KDM5B: variants seen among roughly 807,000 people sequenced by gnomAD.
The protein encoded by KDM5B is lysine-specific demethylase 5B.
A neutral mutation model predicts 193.4 loss-of-function variants in KDM5B; 144 were observed. The ratio of observed to expected loss-of-function variants is 0.74; its 90% CI spans 0.65 to 0.86. KDM5B has a LOEUF of 0.86. Ranked by LOEUF, KDM5B falls within the 40% of genes least tolerant of loss-of-function variation. The pLI is 0.00. For synonymous variants in KDM5B, 668 were observed against 682.6 expected (o/e 0.98, Z 0.33); for missense variants, 1,833 against 1,886.9 (o/e 0.97, Z 0.53).
chr1:202,786,952 T>C (rs531194661), intron 1 of KDM5B, among the ~76,000 whole-genome samples: 10 of 152,278 alleles, frequency 6.6e-5, no homozygotes, highest in African/African-American at 2.4e-4. Context: ...CTACTAAATA[T>C]ACAAAAAGCT....
chr1:202,728,166 G>GCTCT lies in KDM5B; in HGVS notation c.*866_*869dup, dbSNP rs1345955257. On this transcript the variant is annotated 3_prime_UTR_variant, in exon 27 of 27. Coordinates refer to ENST00000367265, the MANE Select transcript of KDM5B (RefSeq NM_006618.5). Reference sequence around the variant, plus strand: ...ACAGTAGAGGGGCAGAAGAAGCTGTGCTCTAATGGCTCTAAATAATCAGCA... The same window carrying GCTCT: ...ACAGTAGAGGGGCAGAAGAAGCTGTGCTCTCTCTAATGGCTCTAAATAATCAGCA... The GCTCT allele has an allele frequency of 6.6e-6, 1 of 152,248 alleles. No individual in the cohort carries two copies. Among genetic ancestry groups the GCTCT allele is most frequent in the Non-Finnish European group, 1.5e-5 (1 of 68,038 alleles). The allele number at this position is 152,248 out of a possible 1,614,324, so 9.4% of individuals were successfully genotyped here.
rs1026617816 is a variant in KDM5B at position 202,730,941 on chromosome 1, G to A, written c.4144C>T (p.Arg1382Ter). Residue 1382 changes from arginine (R) to a stop codon, truncating the protein, a stop_gained, in exon 25 of 27, where the codon CGA becomes TGA. Transcript: ENST00000367265. LOFTEE classifies it high-confidence loss of function. ...AKPSPAQQTD[R>*]SSPVRPSSEK... ...CTGCTGGGTCTCACTGGTGAGCTTC[G>A]GTCAGTCTGCTGAGCAGGGCTTGGC... 13 of 1,611,518 alleles carry A rather than the reference G, an allele frequency of 8.1e-6. No individual in the cohort carries two copies. The highest frequency in any genetic ancestry group is 2.7e-5 in the African/African-American group (2 of 74,846).
intron 1 of KDM5B, chr1:202,796,998 GATC>G (rs1657875510): frequency 6.6e-6 from 1 of 152,256 alleles, no homozygotes; most frequent in Admixed American, 6.5e-5. Context: ...TCCTCCCTTG[GATC>G]ATCAAGTCTA....
chr1:202,776,826 A>G (rs1038598473), intron 2 of KDM5B, among the ~76,000 whole-genome samples, 191 bp downstream of exon 2: 2 of 152,174 alleles, frequency 1.3e-5, no homozygotes, highest in African/African-American at 4.8e-5. Flanking sequence ...TACAAGTGTG[A>G]GCCACCATGC....
Position 202,767,076 on chromosome 1 carries a change from G to A in KDM5B, c.577-16C>T, listed in dbSNP as rs1213523719. The A allele has an allele frequency of 1.9e-6, 3 of 1,607,648 alleles. No individual in the cohort carries two copies. Among genetic ancestry groups the A allele is most frequent in the Admixed American group, 1.7e-5 (1 of 57,876 alleles). On this transcript the variant is annotated splice_polypyrimidine_tract_variant and intron_variant, in intron 4 of 26. Coordinates refer to ENST00000367265, the MANE Select transcript of KDM5B (RefSeq NM_006618.5). ...TCTGCAAACACTAGAAATAACAACT[G>A]TACTGATAAATTCCCTCCTTTTTTT...
intron 25 of KDM5B, 78 bp downstream of exon 25, chr1:202,730,831 G>A (rs1654856290): frequency 2.8e-6 from 4 of 1,403,692 alleles, no homozygotes; most frequent in Non-Finnish European, 3.9e-6. Context: ...CAGCTGTCTG[G>A]TTATGTTTCG....
At chr1:202,786,593 C>T (rs186861148) in intron 1 of KDM5B, among the ~76,000 whole-genome samples, 25 of 152,292 alleles carry the variant, frequency 1.6e-4, no homozygotes, top group African/African-American at 5.3e-4. Context: ...GCAAAAACCA[C>T]GATTTCTTTT....
At chr1:202,775,038 G>A (rs531709598) in intron 2 of KDM5B, among the ~76,000 whole-genome samples, 40 of 147,002 alleles carry the variant, frequency 2.7e-4, no homozygotes, top group Middle Eastern at 3.5e-3. Context: ...TCGGGAGTTC[G>A]AGACCAGCCT....
rs1173282129 is a variant in KDM5B, at chr1:202,729,121, C to G, written c.4550G>C (p.Cys1517Ser). The change falls in exon 27 of 27, where the codon TGT becomes TCT. Residue 1517 changes from cysteine (C) to serine (S), a missense_variant. Physicochemically the swap from Cys to Ser is moderately radical, Grantham distance 112. Around this residue, in one of 3 missense-constraint regions of KDM5B, gnomAD observed 1,379 missense variants for 1,349.6 expected, o/e 1.02. Transcript: ENST00000367265. ...TGCCATCTCTGGGGAGACACCAACA[C>G]AGACCTGATGAAACCACTGATTGCA... ...GSCNQWFHQV[C>S]VGVSPEMAEK... 1 of 1,614,154 alleles carries G rather than the reference C, an allele frequency of 6.2e-7. No individual in the cohort carries two copies. Among genetic ancestry groups the G allele is most frequent in the Admixed American group, 1.7e-5 (1 of 60,016 alleles).
At chr1:202,774,375 G>T (rs1031667103) in intron 3 of KDM5B, among the ~76,000 whole-genome samples, 1 of 152,020 alleles carries the variant, frequency 6.6e-6, no homozygotes, top group African/African-American at 2.4e-5. Flanking sequence ...CACCCAAATA[G>T]CTGGTACTAC....
Position 202,755,293 on chromosome 1 carries a change from A to T in KDM5B, c.1516T>A (p.Tyr506Asn). Residue 506 changes from tyrosine to asparagine, a missense_variant, in exon 11 of 27, where the codon TAT becomes AAT. This residue lies in a region of KDM5B where 1,379 missense variants were observed against 1,349.6 expected (regional missense o/e 1.02). Transcript: ENST00000367265. ...CACCAGTGCAAGTAGTTAATTGAATAGCTCCAGTGGTCTTCAATGTGCCAA... is the reference window on the plus strand; with the variant it reads ...CACCAGTGCAAGTAGTTAATTGAATTGCTCCAGTGGTCTTCAATGTGCCAA... ...FCWHIEDHWS[Y>N]SINYLHWGEP... The T allele has an allele frequency of 6.2e-7, 1 of 1,614,114 alleles. No homozygotes were observed. Among genetic ancestry groups the T allele is most frequent in the South Asian group, 1.1e-5 (1 of 91,074 alleles).
intron 1 of KDM5B, among the ~76,000 whole-genome samples, chr1:202,786,757 C>T (rs576354362): frequency 3.3e-5 from 5 of 152,182 alleles, no homozygotes; most frequent in East Asian, 3.9e-4. Flanking sequence ...TTAGAAAATA[C>T]ACATATTGGC....
rs770836701 is a variant in KDM5B, at chr1:202,736,388, C to G, written c.3089G>C (p.Gly1030Ala). 3.9e-6 allele frequency: 6 copies of G among 1,554,780 alleles called. No homozygotes were observed. Among genetic ancestry groups the G allele is most frequent in the Non-Finnish European group, 4.4e-6 (5 of 1,149,318 alleles). Residue 1030 changes from glycine to alanine, a missense_variant, in exon 21 of 27, where the codon GGA becomes GCA. Coordinates refer to ENST00000367265, the MANE Select transcript of KDM5B (RefSeq NM_006618.5). Reference protein sequence around the residue: ...WLQDVEGLQAGGRVPVLDTLI... With the variant: ...WLQDVEGLQAAGRVPVLDTLI... ...TGTGTCTAACACTGGCACACGTCCT[C>G]CAGCCTAATAAGTCAAGAAAAATTA...
intron 25 of KDM5B, 116 bp downstream of exon 25, chr1:202,730,793 C>T: frequency 1.0e-6 from 1 of 982,962 alleles, no homozygotes; most frequent in Non-Finnish European, 1.5e-6. Context: ...AATGGGTCAT[C>T]CTCAGTCTAA....
intron 25 of KDM5B, among the ~76,000 whole-genome samples, chr1:202,730,626 G>C (rs567942067): frequency 7.0e-4 from 106 of 152,128 alleles, no homozygotes; most frequent in Non-Finnish European, 9.6e-4. Context: ...TTGGCTTCAG[G>C]CTTCCTAGTA....
chr1:202,740,135 C>T (rs1373808276), intron 20 of KDM5B, among the ~76,000 whole-genome samples: 29 of 132,816 alleles, frequency 2.2e-4, no homozygotes, highest in African/African-American at 7.1e-4. Context: ...CCGGACGGGG[C>T]GGCTGGCCGG....
At chr1:202,780,890 C>T (rs1434725557) in intron 1 of KDM5B, among the ~76,000 whole-genome samples, 1 of 151,768 alleles carries the variant, frequency 6.6e-6, no homozygotes, top group East Asian at 1.9e-4. Flanking sequence ...TTGCGCCAAC[C>T]TAATAACATT....
chr1:202,760,958 G>A (rs150083890), intron 7 of KDM5B, among the ~76,000 whole-genome samples: 2 of 151,992 alleles, frequency 1.3e-5, no homozygotes, highest in African/African-American at 4.8e-5. Flanking sequence ...AGCCTGGTAG[G>A]TCAAAGTTGG....
intron 23 of KDM5B, among the ~76,000 whole-genome samples, chr1:202,732,919 G>C (rs934175664): frequency 2.0e-5 from 3 of 152,192 alleles, no homozygotes; most frequent in Admixed American, 1.3e-4. Flanking sequence ...TGTAACCCAG[G>C]AGCTTTCCTC....
Sources: allele counts gnomAD v4.1 joint callset (sites outside exome capture counted in the v4.1 genomes callset), GRCh38; gene constraint gnomAD v4.1.1; regional missense constraint gnomAD v4.1.1; transcripts MANE v1.5; gene names NCBI Gene and HGNC (gene_info 2026-07-23, HGNC 2026-07-21).